Variants in TMC1 observed in about 807,000 individuals in gnomAD.
TMC1 encodes the protein transmembrane channel like 1.
TMC1 carries 84 observed loss-of-function variants against 105.8 expected under a neutral mutation model. The ratio of observed to expected loss-of-function variants is 0.79; its 90% confidence interval spans 0.67 to 0.95. TMC1 has a LOEUF of 0.95. TMC1 is among the 40% of genes least tolerant of loss of function. The pLI is 0.00. For missense variants in TMC1, 817 were observed against 914.1 expected (o/e 0.89, Z 1.37); for synonymous variants, 315 against 311.5 (o/e 1.01, Z -0.12).
intron 17 of TMC1, among the ~76,000 whole-genome samples, chr9:72,799,432 A>C (rs914102951): frequency 6.6e-6 from 1 of 152,138 alleles, no homozygotes; most frequent in Non-Finnish European, 1.5e-5. Flanking sequence ...GATGCTCATC[A>C]AACTTAAGCC....
chr9:72,696,533 GC>G (rs1460801429), intron 7 of TMC1, among the ~76,000 whole-genome samples: 6 of 152,034 alleles, frequency 3.9e-5, no homozygotes, highest in African/African-American at 1.4e-4. Context: ...AAGATTAGTA[GC>G]CAAATCAGGG....
chr9:72,525,000 T>C (rs1449475824), intron 1 of TMC1, among the ~76,000 whole-genome samples: 1 of 152,190 alleles, frequency 6.6e-6, no homozygotes, highest in Non-Finnish European at 1.5e-5. Context: ...GTGGAGGTTT[T>C]TCTTGTAGAG....
At chr9:72,647,684 A>G (rs1215810814) in intron 4 of TMC1, among the ~76,000 whole-genome samples, 1 of 152,188 alleles carries the variant, frequency 6.6e-6, no homozygotes, top group Admixed American at 6.5e-5. Context: ...TTGGCTATGT[A>G]CTAGTCTATA....
intron 8 of TMC1, among the ~76,000 whole-genome samples, chr9:72,702,989 A>G (rs930610969): frequency 5.3e-5 from 8 of 151,914 alleles, no homozygotes; most frequent in Admixed American, 2.0e-4. Context: ...AGGTTTTTTT[A>G]TTTGGCCCAC....
At chr9:72,612,471 G>A (rs1333799936) in intron 2 of TMC1, among the ~76,000 whole-genome samples, 1 of 142,352 alleles carries the variant, frequency 7.0e-6, no homozygotes, top group Non-Finnish European at 1.5e-5. Context: ...ACCACTCCCG[G>A]CCCAAACATT....
At chr9:72,799,803 T>G (rs1828439979) in intron 17 of TMC1, among the ~76,000 whole-genome samples, 1 of 152,162 alleles carries the variant, frequency 6.6e-6, no homozygotes, top group East Asian at 1.9e-4. Flanking sequence ...CATGGCAAAA[T>G]GGACTTTGCA....
chr9:72,657,267 A>G (rs1825899429), intron 5 of TMC1, among the ~76,000 whole-genome samples: 1 of 152,196 alleles, frequency 6.6e-6, no homozygotes. Context: ...TCCTCAGGCA[A>G]AAAGATCAGG....
intron 23 of TMC1, among the ~76,000 whole-genome samples, chr9:72,835,271 T>C (rs1285616325): frequency 6.6e-6 from 1 of 152,238 alleles, no homozygotes; most frequent in African/African-American, 2.4e-5. Context: ...AATGGTTTTA[T>C]GTCCATCTTC....
At chr9:72,563,964 G>A (rs1288191657) in intron 1 of TMC1, among the ~76,000 whole-genome samples, 2 of 148,308 alleles carry the variant, frequency 1.3e-5, no homozygotes, top group African/African-American at 5.0e-5. Context: ...GATTCCTATT[G>A]GAATGTATTG....
intron 1 of TMC1, among the ~76,000 whole-genome samples, chr9:72,556,070 T>C (rs1823934388): frequency 6.7e-6 from 1 of 149,388 alleles, no homozygotes; most frequent in Non-Finnish European, 1.5e-5. Context: ...CCTAATCCAC[T>C]TGGTGACCTT....
At chr9:72,556,255 T>C (rs921827946) in intron 1 of TMC1, among the ~76,000 whole-genome samples, 1 of 151,578 alleles carries the variant, frequency 6.6e-6, no homozygotes, top group Non-Finnish European at 1.5e-5. Context: ...TAGCTGGGAT[T>C]ACAGGAACCT....
At chr9:72,746,089 A>G (rs1379710502) in intron 10 of TMC1, among the ~76,000 whole-genome samples, 2 of 152,220 alleles carry the variant, frequency 1.3e-5, no homozygotes, top group East Asian at 1.9e-4. Flanking sequence ...TTTTTGAAAT[A>G]AAGTTGGTTA....
chr9:72,820,931 G>T lies in TMC1; in HGVS notation c.1853G>T (p.Cys618Phe), dbSNP rs1300900067. 2.5e-6 allele frequency: 4 copies of T among 1,614,122 alleles called. No homozygotes were observed. The highest frequency in any genetic ancestry group is 3.4e-6 in the Non-Finnish European group (4 of 1,180,020). ...TACTTCCAGTGCTGGGCCGTTATGT[G>T]CTGCAATGTTCCTGAGGCCAGGGTC... The part of the protein sequence containing the change: ...SMYFQCWAVM[C>F]CNVPEARVFK... The change falls in exon 20 of 24, where the codon TGC (cysteine) becomes TTC (phenylalanine). Residue 618 changes from cysteine (C) to phenylalanine (F), a missense_variant. Coordinates refer to ENST00000297784, the MANE Select transcript of TMC1 (RefSeq NM_138691.3).
chr9:72,540,625 G>A (rs11143319), intron 1 of TMC1, among the ~76,000 whole-genome samples: 79,652 of 151,802 alleles, frequency 0.52, 21,831 homozygotes, highest in African/African-American at 0.69. Flanking sequence ...CTGTCTCTGC[G>A]TCGCGTGTTG....
chr9:72,602,530 A>C (rs1335952940), intron 2 of TMC1, among the ~76,000 whole-genome samples: 2 of 152,002 alleles, frequency 1.3e-5, no homozygotes. Context: ...ATGTGCTACC[A>C]TGCTTGGCTA....
At chr9:72,805,772 T>C (rs1219386508) in intron 18 of TMC1, among the ~76,000 whole-genome samples, 1 of 151,912 alleles carries the variant, frequency 6.6e-6, no homozygotes, top group African/African-American at 2.4e-5. Context: ...CCTTCAAGCA[T>C]CTGTTTAACA....
intron 2 of TMC1, among the ~76,000 whole-genome samples, chr9:72,599,373 C>A (rs1458743682): frequency 6.6e-6 from 1 of 152,154 alleles, no homozygotes; most frequent in Non-Finnish European, 1.5e-5. Context: ...GATTTCCCTG[C>A]ATTAGGCAGA....
chr9:72,685,181 A>G (rs1826358356), intron 5 of TMC1, among the ~76,000 whole-genome samples: 1 of 132,462 alleles, frequency 7.5e-6, no homozygotes, highest in Non-Finnish European at 1.5e-5. Flanking sequence ...ATCTCAGCTC[A>G]CTGCAAGCTC....
chr9:72,680,478 G>GA (rs904135105), intron 5 of TMC1, among the ~76,000 whole-genome samples: 12 of 151,292 alleles, frequency 7.9e-5, no homozygotes, highest in African/African-American at 1.5e-4. Flanking sequence ...CTAAAAAGCA[G>GA]AAAAAAAATG....
Sources: gnomAD v4.1 joint callset for allele counts (sites outside exome capture counted in the v4.1 genomes callset) on GRCh38, gnomAD v4.1.1 for gene constraint, MANE v1.5 for transcripts, NCBI Gene and HGNC (gene_info 2026-07-23, HGNC 2026-07-21) for gene names.